The following SLC23A3 variants were observed in gnomAD, a reference collection of about 807,000 sequenced individuals.
The protein encoded by SLC23A3 is solute carrier family 23 member 3, also known as E2-binding protein 3.
Under a neutral mutation model 64.7 loss-of-function variants are expected in SLC23A3, and 41 were observed. That is an observed-to-expected ratio of 0.63 (90% CI 0.49 to 0.82). The LOEUF is 0.82. Among genes scored for constraint, SLC23A3 ranks in the 40% least tolerant of loss-of-function variants. The pLI is 0.00. For missense variants in SLC23A3, 647 were observed against 733.4 expected (o/e 0.88, Z 1.36); for synonymous variants, 281 against 306.8 (o/e 0.92, Z 0.88).
Position 219,169,655 on chromosome 2 carries a change from C to T in SLC23A3, c.186G>A (p.Leu62=). 1 of 1,614,056 alleles carries T rather than the reference C, an allele frequency of 6.2e-7. No individual in the cohort carries two copies. The highest frequency in any genetic ancestry group is 8.5e-7 in the Non-Finnish European group (1 of 1,179,952). The change falls in exon 2 of 12, where the codon CTG becomes CTA. Residue 62 remains leucine, a synonymous_variant. Coordinates refer to ENST00000409878, the MANE Select transcript of SLC23A3 (RefSeq NM_001144889.2). The surrounding 1 kb of genome is among the most constrained non-coding windows in gnomAD (Gnocchi z 4.5). ...GCAGGAGCAGGTGGGAGACACAGAG[C>T]AGAGAAGCCATGACCAAGACATGCT... The part of the protein sequence containing the change: ...ALQHVLVMAS[L]LCVSHLLLLC...
At chr2:219,167,898 A>G in intron 7 of SLC23A3, 32 bp downstream of exon 7, 1 of 1,473,996 alleles carries the variant, frequency 6.8e-7, no homozygotes, top group South Asian at 1.2e-5. Flanking sequence ...CTTTATTTGA[A>G]CAAGAGAATG....
In SLC23A3 at chr2:219,164,173, T is replaced by C. The variant is rs1037786539; in HGVS notation, c.1273+60A>G. On this transcript the variant is annotated intron_variant, in intron 9 of 11. Coordinates refer to ENST00000409878, the MANE Select transcript of SLC23A3 (RefSeq NM_001144889.2). ...AGGAAAGGGTGCCATCCTAAAGAAC[T>C]GATCAGGCCACACTGGGGAGTAGCA... is the stretch of plus-strand genomic sequence containing the variant. The C allele has an allele frequency of 7.3e-5, 86 of 1,179,688 alleles. No individual in the cohort carries two copies. The East Asian group carries it at 2.1e-3, about 28-fold the overall frequency. 73.1% of individuals were successfully genotyped at this position (1,179,688 alleles called of 1,614,324 possible).
At chr2:219,163,243 A>G (rs1949967690) in intron 10 of SLC23A3, 145 bp downstream of exon 10, 1 of 796,338 alleles carries the variant, frequency 1.3e-6, no homozygotes, top group Non-Finnish European at 2.1e-6. Context: ...AATGGCTAGC[A>G]TAGTGCTCAA....
At chr2:219,168,857 G>A in intron 4 of SLC23A3, 24 bp from the exon 5 acceptor site, 1 of 1,569,696 alleles carries the variant, frequency 6.4e-7, no homozygotes, top group Non-Finnish European at 8.6e-7. Context: ...GGAGAGGATG[G>A]AGAGAAAACA....
Position 219,162,125 on chromosome 2 carries a change from G to A in SLC23A3, c.1617C>T (p.Pro539=). Residue 539 remains proline, a synonymous_variant, in exon 12 of 12, where the codon CCC becomes CCT. Coordinates refer to ENST00000409878, the MANE Select transcript of SLC23A3 (RefSeq NM_001144889.2). The part of the protein sequence containing the change: ...TAQEARMPQK[P]REKAAQVYRL... ...TGTACACTTGAGCAGCCTTCTCCCTGGGCTTCTGAGGCATTCGAGCCTCTT... is the reference window on the plus strand; with the variant it reads ...TGTACACTTGAGCAGCCTTCTCCCTAGGCTTCTGAGGCATTCGAGCCTCTT... The A allele has an allele frequency of 6.2e-7, 1 of 1,614,148 alleles. No individual in the cohort carries two copies. Among genetic ancestry groups the A allele is most frequent in the Non-Finnish European group, 8.5e-7 (1 of 1,180,024 alleles).
At chr2:219,164,076 T>C (rs750955899) in intron 9 of SLC23A3, among the ~76,000 whole-genome samples, 157 bp downstream of exon 9, 1 of 152,322 alleles carries the variant, frequency 6.6e-6, no homozygotes, top group African/African-American at 2.4e-5. Flanking sequence ...GCTGAGAAAT[T>C]GAGGCTGACA....
In SLC23A3 at chr2:219,168,780, C is replaced by T; in HGVS notation, c.546G>A (p.Leu182=). ...GGGGGAACACGTGGCCGGGACTCCC[C>T]AGCAGCCCCATCATGCCCTGCAGCA... is the stretch of plus-strand genomic sequence containing the variant. ...SGLLQGMMGL[L]GSPGHVFPHC... Residue 182 remains leucine, a synonymous_variant, in exon 5 of 12, where the codon CTG becomes CTA. Coordinates refer to ENST00000409878, the MANE Select transcript of SLC23A3 (RefSeq NM_001144889.2). The T allele has an allele frequency of 3.7e-6, 6 of 1,608,078 alleles. No individual in the cohort carries two copies. The highest frequency in any genetic ancestry group is 5.1e-6 in the Non-Finnish European group (6 of 1,176,992).
In SLC23A3 at chr2:219,161,921, C is replaced by T. The variant is rs1356272090; in HGVS notation, c.1821G>A (p.Arg607=). 1.3e-6 allele frequency: 2 copies of T among 1,570,112 alleles called. No individual in the cohort carries two copies. The highest frequency in any genetic ancestry group is 8.6e-7 in the Non-Finnish European group (1 of 1,158,070). ...GTAGGCGTTCTGGTCATTTCTGGGACCTAAACCCTTCTCTGCTAGATTCAG... is the reference window on the plus strand; with the variant it reads ...GTAGGCGTTCTGGTCATTTCTGGGATCTAAACCCTTCTCTGCTAGATTCAG... ...PCPESSREGF[R]SQK The change falls in exon 12 of 12, where the codon AGG becomes AGA. Residue 607 remains arginine, a synonymous_variant. Transcript: ENST00000409878.
At position 219,169,602 on chromosome 2, in the gene SLC23A3, G is replaced by C; in HGVS notation, c.239C>G (p.Ser80Cys). 1 of 1,614,246 alleles carries C rather than the reference G, an allele frequency of 6.2e-7. No homozygotes were observed. Among genetic ancestry groups the C allele is most frequent in the Non-Finnish European group, 8.5e-7 (1 of 1,180,046 alleles). The stretch of plus-strand genomic sequence containing the variant: ...GGCCAGGAGCTGAGAAGGGGAGTAA[G>C]AGAGTCCTCCTGGGGAGAGACTGCA... ...LLCSLSPGGL[S>C]YSPSQLLASS... The change falls in exon 2 of 12, where the codon TCT (serine) becomes TGT (cysteine). Residue 80 changes from serine (S) to cysteine (C), a missense_variant. Transcript: ENST00000409878. The surrounding 1 kb of genome is among the most constrained non-coding windows in gnomAD (Gnocchi z 4.5).
rs1408065112 is a variant in SLC23A3 at position 219,161,802 on chromosome 2, TACAC to T, written c.*103_*106del. The T allele has an allele frequency of 5.5e-6, 7 of 1,271,138 alleles. No homozygotes were observed. The highest frequency in any genetic ancestry group is 1.5e-5 in the African/African-American group (1 of 67,154). The allele number at this position is 1,271,138 out of a possible 1,614,324, so 78.7% of individuals were successfully genotyped here. A position where few individuals can be genotyped will look rare whatever the true frequency, so the allele number is the denominator to read the frequency against. ...GGAACCTCTAGACAGTCCCATGTAATACACACACACATATCCTCTGCCTACAAGA... is the reference window on the plus strand; with the variant it reads ...GGAACCTCTAGACAGTCCCATGTAATACACACATATCCTCTGCCTACAAGA... On this transcript the variant is annotated 3_prime_UTR_variant, in exon 12 of 12. Transcript: ENST00000409878.
chr2:219,164,095 TATCC>T (rs763734349), intron 9 of SLC23A3, 134 bp downstream of exon 9: 323 of 638,380 alleles, frequency 5.1e-4, no homozygotes, highest in Admixed American at 6.9e-4. Flanking sequence ...CACATGCTCA[TATCC>T]ATCCATCCAT....
At chr2:219,168,403 A>G in intron 5 of SLC23A3, 85 bp from the exon 6 acceptor site, 2 of 1,438,894 alleles carry the variant, frequency 1.4e-6, no homozygotes, top group Non-Finnish European at 1.9e-6. Flanking sequence ...GAATATCATA[A>G]GAGCGGGGGG....
At chr2:219,168,391 C>G (rs1638724263) in intron 5 of SLC23A3, 73 bp from the exon 6 acceptor site, 1 of 1,469,870 alleles carries the variant, frequency 6.8e-7, no homozygotes, top group Non-Finnish European at 9.1e-7. Flanking sequence ...TGGGAGTGGG[C>G]AGAATATCAT....
At chr2:219,163,046 T>C (rs780787380) in intron 10 of SLC23A3, among the ~76,000 whole-genome samples, 3 of 152,234 alleles carry the variant, frequency 2.0e-5, no homozygotes, top group Non-Finnish European at 2.9e-5. Context: ...AATGACCTTC[T>C]TCTCACCAAA....
chr2:219,165,124 C>A lies in SLC23A3; in HGVS notation c.1167+45G>T, dbSNP rs1017886134. On this transcript the variant is annotated intron_variant, in intron 8 of 11. Coordinates refer to ENST00000409878, the MANE Select transcript of SLC23A3 (RefSeq NM_001144889.2). The stretch of plus-strand genomic sequence containing the variant: ...GTGTAAGTTCCTGTCCTTCTTCTTC[C>A]CCTCTAGCTCCATCCTACCCCACTC... The A allele has an allele frequency of 3.9e-6, 6 of 1,535,062 alleles. No individual in the cohort carries two copies. In the East Asian group the frequency reaches 1.5e-4, roughly 38 times the overall value.
At chr2:219,162,879 C>T (rs1267071292) in intron 10 of SLC23A3, among the ~76,000 whole-genome samples, 1 of 152,152 alleles carries the variant, frequency 6.6e-6, no homozygotes, top group Non-Finnish European at 1.5e-5. Flanking sequence ...TTTGTAACAG[C>T]CAAAAATGTC....
chr2:219,164,923 A>G, intron 8 of SLC23A3: 1 of 541,988 alleles, frequency 1.8e-6, no homozygotes, highest in South Asian at 2.7e-5. Context: ...AGTCCCCAAG[A>G]GAGCAGAACT....
chr2:219,169,834 G>A lies in SLC23A3; in HGVS notation c.151C>T (p.Leu51=). The A allele has an allele frequency of 1.9e-6, 3 of 1,611,560 alleles. No homozygotes were observed. The highest frequency in any genetic ancestry group is 2.5e-6 in the Non-Finnish European group (3 of 1,179,006). Residue 51 remains leucine, a synonymous_variant, in exon 1 of 12, where the codon CTG becomes TTG. Coordinates refer to ENST00000409878, the MANE Select transcript of SLC23A3 (RefSeq NM_001144889.2). This position sits in a 1 kb window ranked among gnomAD's most constrained non-coding sequence, Gnocchi z 4.5. ...CCTCTGCCTCCTACCTGCAGAGCCA[G>A]AAGACAGCTGAGGCCCCAAGGCAGA... is the stretch of plus-strand genomic sequence containing the variant. ...GSLPWGLSCL[L]ALQHVLVMAS...
chr2:219,163,026 C>T (rs1455482277), intron 10 of SLC23A3, among the ~76,000 whole-genome samples: 3 of 152,026 alleles, frequency 2.0e-5, no homozygotes, highest in African/African-American at 4.8e-5. Flanking sequence ...ATGATGGTTC[C>T]TCCATCAGGA....
Sources: gnomAD v4.1 joint callset for allele counts (sites outside exome capture counted in the v4.1 genomes callset) on GRCh38, gnomAD v4.1.1 for gene constraint, Gnocchi (gnomAD v3.1) non-coding constraint, MANE v1.5 for transcripts, NCBI Gene and HGNC (gene_info 2026-07-23, HGNC 2026-07-21) for gene names.